The following IQGAP3 variants were observed in gnomAD, a reference collection of about 807,000 sequenced individuals.
The protein encoded by IQGAP3 is IQ motif containing GTPase activating protein 3.
A neutral mutation model predicts 208.2 loss-of-function variants in IQGAP3; 165 were observed. The observed-to-expected ratio is 0.79, with a 90% CI of 0.70 to 0.90. IQGAP3 has a LOEUF of 0.90. Among genes scored for constraint, IQGAP3 ranks in the 40% least tolerant of loss-of-function variants. The pLI, the probability that IQGAP3 is intolerant of heterozygous loss-of-function variation, is 0.00. For missense variants in IQGAP3, 1,811 were observed against 2,043.1 expected (o/e 0.89, Z 2.19); for synonymous variants, 703 against 803.6 (o/e 0.87, Z 2.12).
intron 1 of IQGAP3, among the ~76,000 whole-genome samples, chr1:156,569,827 ATCT>A (rs1241976780): frequency 6.6e-6 from 1 of 152,078 alleles, no homozygotes; most frequent in Non-Finnish European, 1.5e-5. Context: ...CAGCCGAAAC[ATCT>A]TCTCAACAGA....
chr1:156,556,004 T>G (rs968333412), intron 12 of IQGAP3, among the ~76,000 whole-genome samples: 10 of 152,242 alleles, frequency 6.6e-5, no homozygotes, highest in African/African-American at 2.4e-4. Flanking sequence ...TTCCCGGCTC[T>G]GCTTCCTCCA....
At chr1:156,552,580 T>C (rs1675607851) in intron 13 of IQGAP3, among the ~76,000 whole-genome samples, 1 of 152,200 alleles carries the variant, frequency 6.6e-6, no homozygotes, top group Non-Finnish European at 1.5e-5. Context: ...CCCATATCTA[T>C]TATATGACCA....
At chr1:156,557,435 T>G (rs1434500314) in intron 11 of IQGAP3, among the ~76,000 whole-genome samples, 4 of 2,582 alleles carry the variant, frequency 1.5e-3, no homozygotes, top group Admixed American at 7.0e-3. Flanking sequence ...GGGAGGGAGG[T>G]GGGGGGGGTC....
At chr1:156,528,842 A>G in intron 35 of IQGAP3, 74 bp downstream of exon 35, 1 of 1,534,844 alleles carries the variant, frequency 6.5e-7, no homozygotes, top group African/African-American at 1.4e-5. Context: ...GCTGGGAGAT[A>G]GCAGGGCAAA....
chr1:156,531,266 GAC>G lies in IQGAP3; in HGVS notation c.4104-21_4104-20del, dbSNP rs745371471. Reference sequence around the variant, plus strand: ...CTTGGTGCTGCACAAGGAGGACAGTGACAGAGGAGAGGTAAGGGGCAGGGGAA... The same window carrying G: ...CTTGGTGCTGCACAAGGAGGACAGTGAGAGGAGAGGTAAGGGGCAGGGGAA... On this transcript the variant is annotated intron_variant, in intron 32 of 37. Transcript: ENST00000361170. The G allele has an allele frequency of 2.5e-5, 40 of 1,601,682 alleles. No individual in the cohort carries two copies. The highest frequency in any genetic ancestry group is 1.6e-4 in the Middle Eastern group (1 of 6,062).
rs1173910570 is a variant in IQGAP3 at position 156,554,669 on chromosome 1, C to T, written c.1291-277G>A. 3.3e-5 allele frequency among the ~76,000 whole-genome samples: 5 copies of T among 152,316 alleles called. No homozygotes were observed. The East Asian group carries it at 5.8e-4, about 18-fold the overall frequency. On this transcript the variant is annotated intron_variant, in intron 12 of 37. Transcript: ENST00000361170. The stretch of plus-strand genomic sequence containing the variant: ...CATCCCCATTTCATGGATGAGCCCA[C>T]GACCAATAATGTAAGTCAAAACTAG...
intron 31 of IQGAP3, 84 bp from the exon 32 acceptor site, chr1:156,533,190 T>C: frequency 6.5e-7 from 1 of 1,540,316 alleles, no homozygotes. Context: ...CATGCACCGA[T>C]GGGGTCACAT....
intron 2 of IQGAP3, among the ~76,000 whole-genome samples, chr1:156,568,907 C>A (rs1239342366): frequency 6.6e-6 from 1 of 151,360 alleles, no homozygotes; most frequent in Non-Finnish European, 1.5e-5. Context: ...AGGAAAATGA[C>A]CCAGTTTTCT....
intron 19 of IQGAP3, among the ~76,000 whole-genome samples, chr1:156,546,948 T>C (rs1374146437): frequency 6.6e-6 from 1 of 152,200 alleles, no homozygotes; most frequent in Admixed American, 6.5e-5. Flanking sequence ...AGAGAAGTGA[T>C]TACTCACCCG....
intron 32 of IQGAP3, among the ~76,000 whole-genome samples, chr1:156,532,124 C>T (rs1420493011): frequency 6.6e-6 from 1 of 151,808 alleles, no homozygotes; most frequent in African/African-American, 2.4e-5. Context: ...CAGTGGCTCA[C>T]GCCTGTAATC....
At chr1:156,526,750 A>G in intron 37 of IQGAP3, 151 bp from the exon 38 acceptor site, 1 of 614,472 alleles carries the variant, frequency 1.6e-6, no homozygotes. Context: ...TTCACAAATG[A>G]GGAAACTGAG....
rs751001051 is a variant in IQGAP3 at position 156,540,884 on chromosome 1, G to C, written c.2563C>G (p.Arg855Gly). Reference sequence around the variant, plus strand: ...TGATTCAAGAGATGGGCAAATCTGCGTACCACACTGAGAGGAGGGTGGGGT... The same window carrying C: ...TGATTCAAGAGATGGGCAAATCTGCCTACCACACTGAGAGGAGGGTGGGGT... ...HAPHPPLSVV[R>G]RFAHLLNQSQ... The change falls in exon 23 of 38, where the codon CGC (arginine) becomes GGC (glycine). Residue 855 changes from arginine to glycine, a missense_variant. Coordinates refer to ENST00000361170, the MANE Select transcript of IQGAP3 (RefSeq NM_178229.5). The C allele has an allele frequency of 6.1e-5, 98 of 1,613,808 alleles. No homozygotes were observed. The highest frequency in any genetic ancestry group is 8.3e-5 in the Admixed American group (5 of 59,988).
At position 156,533,806 on chromosome 1, in the gene IQGAP3, G is replaced by C; in HGVS notation, c.3943C>G (p.Leu1315Val). ...TCAGGGATGGTGGGCAGCTCCCCAA[G>C]ATCCTCCAGGAGCTCATGCAGGGGG... ...QDPLHELLED[L>V]GELPTIPDLI... Residue 1315 changes from leucine (L) to valine (V), a missense_variant, in exon 31 of 38, where the codon CTT becomes GTT. Leu to Val is a conservative substitution (Grantham distance 32). Coordinates refer to ENST00000361170, the MANE Select transcript of IQGAP3 (RefSeq NM_178229.5). 1 of 1,613,820 alleles carries C rather than the reference G, an allele frequency of 6.2e-7. No individual in the cohort carries two copies. Among genetic ancestry groups the C allele is most frequent in the Non-Finnish European group, 8.5e-7 (1 of 1,179,852 alleles).
chr1:156,564,549 G>A (rs961680690), intron 5 of IQGAP3, 66 bp downstream of exon 5: 2 of 1,015,834 alleles, frequency 2.0e-6, no homozygotes, highest in Non-Finnish European at 3.2e-6. Flanking sequence ...TGCTGAGTTT[G>A]TTGTTGTTGA....
chr1:156,562,183 A>G (rs1218576884), intron 9 of IQGAP3, among the ~76,000 whole-genome samples, 182 bp from the exon 10 acceptor site: 4 of 150,760 alleles, frequency 2.7e-5, no homozygotes, highest in Non-Finnish European at 5.9e-5. Context: ...CAGCCTTCTC[A>G]CTTCGCCGCC....
chr1:156,563,186 T>C lies in IQGAP3; in HGVS notation c.746A>G (p.Gln249Arg). ...CATCTTGGCCTGGGCCAGCATCTCT[T>C]GGTAGACGGCTGCCAGAGGCTCTCG... ...NLREPLAAVY[Q>R]EMLAQAKMEK... Residue 249 changes from glutamine to arginine, a missense_variant, in exon 8 of 38, where the codon CAA becomes CGA. Physicochemically the swap from Gln to Arg is conservative, Grantham distance 43 (BLOSUM62 1). Coordinates refer to ENST00000361170, the MANE Select transcript of IQGAP3 (RefSeq NM_178229.5). 6.2e-7 allele frequency: 1 copy of C among 1,612,834 alleles called. No individual in the cohort carries two copies. Among genetic ancestry groups the C allele is most frequent in the Non-Finnish European group, 8.5e-7 (1 of 1,178,992 alleles).
chr1:156,533,860 G>A lies in IQGAP3; in HGVS notation c.3889C>T (p.Gln1297Ter). 6.2e-7 allele frequency: 1 copy of A among 1,610,864 alleles called. No homozygotes were observed. The highest frequency in any genetic ancestry group is 8.5e-7 in the Non-Finnish European group (1 of 1,178,288). Residue 1297 changes from glutamine to a stop codon, truncating the protein, a stop_gained, in exon 31 of 38, where the codon CAG becomes TAG. Transcript: ENST00000361170. LOFTEE classifies it high-confidence loss of function. ...TGGTGATCAGGGGCAATGCAGTCCTGGTGCTCCAGCAACAGCTGCAGGACG... is the reference window on the plus strand; with the variant it reads ...TGGTGATCAGGGGCAATGCAGTCCTAGTGCTCCAGCAACAGCTGCAGGACG... ...VNTHRLLLEHQDCIAPDHQDP... is the reference protein window; with the variant it reads ...VNTHRLLLEH
At chr1:156,553,580 C>CTTTT (rs11316423) in intron 13 of IQGAP3, among the ~76,000 whole-genome samples, 29 of 87,992 alleles carry the variant, frequency 3.3e-4, no homozygotes, top group African/African-American at 8.8e-4. Flanking sequence ...TTCTTTCTTT[C>CTTTT]TTTTTTTTTT....
chr1:156,569,363 G>C lies in IQGAP3; in HGVS notation c.125+13C>G, dbSNP rs370649413. 2 of 1,593,792 alleles carry C rather than the reference G, an allele frequency of 1.3e-6. No homozygotes were observed. Among genetic ancestry groups the C allele is most frequent in the East Asian group, 4.5e-5 (2 of 44,700 alleles). ...GAGAGCAGAAAGAGTCCATCTTCCT[G>C]GACTCCGCTCACCGCTTGGCCTCCT... On this transcript the variant is annotated intron_variant, in intron 2 of 37. Coordinates refer to ENST00000361170, the MANE Select transcript of IQGAP3 (RefSeq NM_178229.5).
Sources: gnomAD v4.1 joint callset for allele counts (sites outside exome capture counted in the v4.1 genomes callset) on GRCh38, gnomAD v4.1.1 for gene constraint, MANE v1.5 for transcripts, NCBI Gene and HGNC (gene_info 2026-07-23, HGNC 2026-07-21) for gene names.